JMJD8: variants seen among roughly 807,000 people sequenced by gnomAD.
The protein encoded by JMJD8 is jmjC domain-containing protein 8.
Under a neutral mutation model 37.6 loss-of-function variants are expected in JMJD8, and 56 were observed. The observed-to-expected ratio is 1.49, with a 90% CI of 1.20 to 1.86. The LOEUF is 1.86. JMJD8 is among the 40% of genes most tolerant of loss of function. The probability of loss-of-function intolerance (pLI) is 0.00; values close to 1 mark genes in which losing one functional copy is unlikely to be tolerated. For synonymous variants in JMJD8, 261 were observed against 163.7 expected (o/e 1.59, Z -4.54); for missense variants, 542 against 362.7 (o/e 1.49, Z -4.01).
In JMJD8 at chr16:684,264, G is replaced by T. The variant is rs1223031637; in HGVS notation, c.56C>A (p.Pro19His). 9.1e-6 allele frequency: 13 copies of T among 1,425,046 alleles called. No homozygotes were observed. The Admixed American group carries it at 3.5e-4, about 39-fold the overall frequency. 88.3% of individuals were successfully genotyped at this position (1,425,046 alleles called of 1,614,324 possible). ...GCCGTCGCCCTCCGCCCCGGAGCCG[G>T]GTAGAGCCACAGCCGCCAGCGCCCA... ...ALWALAAVAL[P>H]GSGAEGDGGW... The change falls in exon 1 of 9, where the codon CCC (proline) becomes CAC (histidine). Residue 19 changes from proline to histidine, a missense_variant. Transcript: ENST00000609261.
chr16:683,112 C>T (rs766930825), intron 7 of JMJD8, 25 bp from the exon 8 acceptor site: 18 of 1,613,440 alleles, frequency 1.1e-5, no homozygotes, highest in Non-Finnish European at 1.4e-5. Context: ...AGCAGTGTCA[C>T]CCTTGCCCGT....
chr16:682,935 C>G lies in JMJD8; in HGVS notation c.714+18G>C, dbSNP rs1176269173. The G allele has an allele frequency of 3.7e-6, 6 of 1,611,496 alleles. No individual in the cohort carries two copies. The highest frequency in any genetic ancestry group is 1.3e-5 in the African/African-American group (1 of 74,918). On this transcript the variant is annotated intron_variant, in intron 8 of 8. Coordinates refer to ENST00000609261, the MANE Select transcript of JMJD8 (RefSeq NM_001005920.4). ...CGGGCCTCTAGCCTGGCCTGGCCCT[C>G]TCCTGCCAGCCACTGACCTCACCAG...
chr16:683,594 G>A lies in JMJD8; in HGVS notation c.327C>T (p.Asp109=), dbSNP rs755848657. 4.4e-6 allele frequency: 7 copies of A among 1,576,976 alleles called. No individual in the cohort carries two copies. Among genetic ancestry groups the A allele is most frequent in the African/African-American group, 2.7e-5 (2 of 74,148 alleles). ...TANTYSYHKV[D]LPFQEYVEQL... ...GCTCCACATACTCCTGGAAGGGCAA[G>A]TCCACTGCAGGAAAGAGACGGGTCA... Residue 109 remains aspartate, a synonymous_variant, in exon 5 of 9, where the codon GAC becomes GAT. Transcript: ENST00000609261.
At position 682,147 on chromosome 16, in the gene JMJD8, T is replaced by C. The variant is rs1253069548; in HGVS notation, c.*647A>G. 4 of 1,597,558 alleles carry C rather than the reference T, an allele frequency of 2.5e-6. No individual in the cohort carries two copies. Among genetic ancestry groups the C allele is most frequent in the South Asian group, 1.1e-5 (1 of 90,602 alleles). On this transcript the variant is annotated 3_prime_UTR_variant, in exon 9 of 9. Coordinates refer to ENST00000609261, the MANE Select transcript of JMJD8 (RefSeq NM_001005920.4). ...AGTGCCCCTTTTCAGCCTCTGACCGTGTGCCCCTGTGCCACAGAAGCGAGA... is the reference window on the plus strand; with the variant it reads ...AGTGCCCCTTTTCAGCCTCTGACCGCGTGCCCCTGTGCCACAGAAGCGAGA...
In JMJD8 at chr16:683,910, C is replaced by A; in HGVS notation, c.177-1G>T. ...GATGACGGGCCTGACGAAGGCGTAC[C>A]TGGAAAGAAGGGCAGAGTCGCGGCC... On this transcript the variant is annotated splice_acceptor_variant, in intron 2 of 8. Coordinates refer to ENST00000609261, the MANE Select transcript of JMJD8 (RefSeq NM_001005920.4). LOFTEE classifies it high-confidence loss of function. The A allele has an allele frequency of 6.3e-7, 1 of 1,577,768 alleles. No individual in the cohort carries two copies. Among genetic ancestry groups the A allele is most frequent in the East Asian group, 2.3e-5 (1 of 42,766 alleles).
At chr16:683,291 TCAGTCCTTCC>T (rs2039767029) in intron 6 of JMJD8, 21 bp downstream of exon 6, 1 of 1,610,974 alleles carries the variant, frequency 6.2e-7, no homozygotes, top group Non-Finnish European at 8.5e-7. Flanking sequence ...GACAGAAGCC[TCAGTCCTTCC>T]CAGTCCCAAG....
chr16:682,033 C>A lies in JMJD8; in HGVS notation c.*761G>T. ...AACTCTTCACAGGACAAGTACATGG[C>A]GGACATGGACGAGCTTTTTTCTCAG... On this transcript the variant is annotated 3_prime_UTR_variant, in exon 9 of 9. Coordinates refer to ENST00000609261, the MANE Select transcript of JMJD8 (RefSeq NM_001005920.4). 2 of 1,592,502 alleles carry A rather than the reference C, an allele frequency of 1.3e-6. No individual in the cohort carries two copies. The highest frequency in any genetic ancestry group is 1.7e-6 in the Non-Finnish European group (2 of 1,164,486).
intron 2 of JMJD8, 49 bp downstream of exon 2, chr16:684,017 G>A (rs777394235): frequency 3.8e-6 from 6 of 1,565,156 alleles, no homozygotes; most frequent in East Asian, 4.7e-5. Flanking sequence ...GGTCGGGGCA[G>A]ACGGGCCGGT....
Position 683,007 on chromosome 16 carries a change from G to T in JMJD8, c.660C>A (p.Tyr220Ter). The T allele has an allele frequency of 6.2e-7, 1 of 1,613,478 alleles. No individual in the cohort carries two copies. The highest frequency in any genetic ancestry group is 8.5e-7 in the Non-Finnish European group (1 of 1,179,888). ...GCCGTGCAGACGGTGGCAGGGCTGG[G>T]TATGTGTCCCGGAGCCAGGCCAGCG... is the stretch of plus-strand genomic sequence containing the variant. ...KTTLAWLRDT[Y>*]PALPPSARPL... Residue 220 changes from tyrosine to a stop codon, truncating the protein, a stop_gained, in exon 8 of 9, where the codon TAC becomes TAA. Transcript: ENST00000609261. LOFTEE classifies it high-confidence loss of function.
Position 682,473 on chromosome 16 carries a change from G to C in JMJD8, c.*321C>G. 1 of 1,613,374 alleles carries C rather than the reference G, an allele frequency of 6.2e-7. No individual in the cohort carries two copies. The highest frequency in any genetic ancestry group is 1.1e-5 in the South Asian group (1 of 91,074). On this transcript the variant is annotated 3_prime_UTR_variant, in exon 9 of 9. Coordinates refer to ENST00000609261, the MANE Select transcript of JMJD8 (RefSeq NM_001005920.4). ...GACGCATTCATCTCTGAGAATGGCT[G>C]GGTGGAGGACTACTGAGGTTCCCTG...
In JMJD8 at chr16:681,695, C is replaced by G; in HGVS notation, c.*1099G>C. 4 of 1,555,014 alleles carry G rather than the reference C, an allele frequency of 2.6e-6. No individual in the cohort carries two copies. The highest frequency in any genetic ancestry group is 3.5e-6 in the Non-Finnish European group (4 of 1,145,420). Reference sequence around the variant, plus strand: ...GTTTATCGAAGGCTTTACTGGCAAGCAGGAAATGTGGGGAAGTGTGGATGT... The same window carrying G: ...GTTTATCGAAGGCTTTACTGGCAAGGAGGAAATGTGGGGAAGTGTGGATGT... On this transcript the variant is annotated 3_prime_UTR_variant, in exon 9 of 9. Transcript: ENST00000609261.
Position 682,810 on chromosome 16 carries a change from G to T in JMJD8, c.779C>A (p.Ser260Tyr). The T allele has an allele frequency of 6.2e-7, 1 of 1,613,026 alleles. No homozygotes were observed. Among genetic ancestry groups the T allele is most frequent in the Admixed American group, 1.7e-5 (1 of 60,026 alleles). Residue 260 changes from serine to tyrosine, a missense_variant, in exon 9 of 9, where the codon TCC becomes TAC. Ser to Tyr is a moderately radical substitution (Grantham distance 144). Transcript: ENST00000609261. ...CTGTTTTGGCTAGCCGAGGAAGGTG[G>T]AGATGAAGACGCTGGTGTCAAGGTT... ...TLNLDTSVFI[S>Y]TFLG is the part of the protein sequence containing the mutation.
Position 681,773 on chromosome 16 carries a change from G to C in JMJD8, c.*1021C>G, listed in dbSNP as rs769775927. On this transcript the variant is annotated 3_prime_UTR_variant, in exon 9 of 9. Coordinates refer to ENST00000609261, the MANE Select transcript of JMJD8 (RefSeq NM_001005920.4). Reference sequence around the variant, plus strand: ...CATCTGGCCAGGTCCATCTCTGACCGGCTCCTGGTCAACCCCCAGGGAGCT... The same window carrying C: ...CATCTGGCCAGGTCCATCTCTGACCCGCTCCTGGTCAACCCCCAGGGAGCT... 6.3e-7 allele frequency: 1 copy of C among 1,580,958 alleles called. No homozygotes were observed. Among genetic ancestry groups the C allele is most frequent in the Non-Finnish European group, 8.6e-7 (1 of 1,158,866 alleles).
In JMJD8 at chr16:682,888, G is replaced by C; in HGVS notation, c.715-14C>G. 1.2e-6 allele frequency: 2 copies of C among 1,612,908 alleles called. No homozygotes were observed. Among genetic ancestry groups the C allele is most frequent in the Non-Finnish European group, 1.7e-6 (2 of 1,179,802 alleles). On this transcript the variant is annotated splice_polypyrimidine_tract_variant and intron_variant, in intron 8 of 8. Transcript: ENST00000609261. ...GAAGTACAGCACCTGGTGGAGGAAG[G>C]GGGTGCAGCAGAGATTAGCTGCGGG...
chr16:683,985 T>A, intron 2 of JMJD8, 76 bp from the exon 3 acceptor site: 2 of 1,555,810 alleles, frequency 1.3e-6, no homozygotes, highest in Non-Finnish European at 1.7e-6. Context: ...GCGCGCGAGG[T>A]CAGGGGAAGG....
At chr16:684,013 G>C (rs1225382878) in intron 2 of JMJD8, 53 bp downstream of exon 2, 7 of 1,562,992 alleles carry the variant, frequency 4.5e-6, no homozygotes, top group Non-Finnish European at 6.0e-6. Flanking sequence ...GGGCGGTCGG[G>C]GCAGACGGGC....
In JMJD8 at chr16:682,686, A is replaced by G; in HGVS notation, c.*108T>C. Reference sequence around the variant, plus strand: ...CCTTTGTGGGCTGGAAAAGCAGGTGAGGGTGGGCTGGGCTGAGGCCATTGC... The same window carrying G: ...CCTTTGTGGGCTGGAAAAGCAGGTGGGGGTGGGCTGGGCTGAGGCCATTGC... On this transcript the variant is annotated 3_prime_UTR_variant, in exon 9 of 9. Transcript: ENST00000609261. 7.0e-7 allele frequency: 1 copy of G among 1,435,476 alleles called. No homozygotes were observed. Among genetic ancestry groups the G allele is most frequent in the Non-Finnish European group, 9.5e-7 (1 of 1,048,196 alleles). The allele number at this position is 1,435,476 out of a possible 1,614,324, so 88.9% of individuals were successfully genotyped here.
rs1177613940 is a variant in JMJD8, at chr16:682,721, C to A, written c.*73G>T. On this transcript the variant is annotated 3_prime_UTR_variant, in exon 9 of 9. Transcript: ENST00000609261. ...GGGCTGAGGCCATTGCCGCCACTAT[C>A]TGTGTAATAAAATCCGTGAGCACGA... 10 of 1,545,510 alleles carry A rather than the reference C, an allele frequency of 6.5e-6. No individual in the cohort carries two copies. The highest frequency in any genetic ancestry group is 8.9e-6 in the Non-Finnish European group (10 of 1,129,400).
Position 681,923 on chromosome 16 carries a change from C to T in JMJD8, c.*871G>A, listed in dbSNP as rs758266360. ...CCACATGTGGGTCTGTGTGTGTGCACGTGGCGTGGGAGCATCCCCGCCTTG... is the reference window on the plus strand; with the variant it reads ...CCACATGTGGGTCTGTGTGTGTGCATGTGGCGTGGGAGCATCCCCGCCTTG... On this transcript the variant is annotated 3_prime_UTR_variant, in exon 9 of 9. Transcript: ENST00000609261. 2.2e-5 allele frequency: 35 copies of T among 1,612,340 alleles called. 1 individual carries two copies. Among genetic ancestry groups the T allele is most frequent in the Middle Eastern group, 3.3e-4 (2 of 6,082 alleles).
Sources: allele counts gnomAD v4.1 joint callset, GRCh38; gene constraint gnomAD v4.1.1; transcripts MANE v1.5; gene names NCBI Gene and HGNC (gene_info 2026-07-23, HGNC 2026-07-21).